The following WWC1 variants were observed in gnomAD, a reference collection of about 807,000 sequenced individuals.
The protein encoded by WWC1 is WW and C2 domain containing 1, also known as protein KIBRA.
In WWC1, 55 loss-of-function variants were observed where a neutral mutation model predicts 138.4. That is an observed-to-expected ratio of 0.40 (90% confidence interval 0.32 to 0.50). The LOEUF (loss-of-function observed/expected upper bound fraction) is 0.50. WWC1 is among the 20% of genes least tolerant of loss of function. The probability of loss-of-function intolerance (pLI) is 0.72; values close to 1 mark genes in which losing one functional copy is unlikely to be tolerated. For synonymous variants in WWC1, 524 were observed against 564.9 expected (o/e 0.93, Z 1.03); for missense variants, 1,226 against 1,420.4 (o/e 0.86, Z 2.20).
intron 1 of WWC1, among the ~76,000 whole-genome samples, chr5:168,319,600 A>C (rs1561604360): frequency 6.6e-6 from 1 of 152,064 alleles, no homozygotes; most frequent in Non-Finnish European, 1.5e-5. Flanking sequence ...TTCCTGGCTC[A>C]AGTGATCCTC....
rs577644875 is a variant in WWC1 at position 168,431,311 on chromosome 5, G to A, written c.2147G>A (p.Arg716Gln). 2.0e-5 allele frequency: 32 copies of A among 1,614,082 alleles called. No homozygotes were observed. Among genetic ancestry groups the A allele is most frequent in the Middle Eastern group, 1.6e-4 (1 of 6,062 alleles). Residue 716 changes from arginine to glutamine, a missense_variant, in exon 15 of 23, where the codon CGG (arginine) becomes CAG (glutamine). By Grantham distance (43) the Arg-to-Gln change is conservative. Around this residue, in one of 3 missense-constraint regions of WWC1, gnomAD observed 1,016 missense variants for 1,153.9 expected, o/e 0.88. Transcript: ENST00000265293. Reference protein sequence around the residue: ...SESTTCLFRTRPLDASDTLVF... With the variant: ...SESTTCLFRTQPLDASDTLVF... The stretch of plus-strand genomic sequence containing the variant: ...AGCACAACCTGCCTGTTCCGGACCC[G>A]GCCTCTGGACGCCTCAGACACTCTA...
At chr5:168,414,125 C>G (rs946434999) in intron 8 of WWC1, 6 of 570,194 alleles carry the variant, frequency 1.1e-5, no homozygotes, top group Admixed American at 9.6e-5. Flanking sequence ...TTGCCTTGTT[C>G]ATGTCTGCAC....
At chr5:168,393,152 T>C (rs1039715986) in intron 3 of WWC1, among the ~76,000 whole-genome samples, 3 of 151,924 alleles carry the variant, frequency 2.0e-5, no homozygotes, top group African/African-American at 7.3e-5. Flanking sequence ...AAATCTACTA[T>C]CTGAGGAAAA....
At chr5:168,339,232 G>C (rs752221842) in intron 1 of WWC1, among the ~76,000 whole-genome samples, 1 of 152,176 alleles carries the variant, frequency 6.6e-6, no homozygotes, top group Non-Finnish European at 1.5e-5. Flanking sequence ...GACATGACAA[G>C]GAGCTTTTCC....
At chr5:168,440,440 G>C (rs920945051) in intron 15 of WWC1, among the ~76,000 whole-genome samples, 1 of 152,226 alleles carries the variant, frequency 6.6e-6, no homozygotes, top group African/African-American at 2.4e-5. Flanking sequence ...ACTACCATAT[G>C]ACCTAGCAAT....
At chr5:168,411,839 C>A in intron 8 of WWC1, 3 of 310,152 alleles carry the variant, frequency 9.7e-6, no homozygotes, top group South Asian at 1.3e-4. Flanking sequence ...TCTAGGCATG[C>A]GTCGTGTTTC....
intron 19 of WWC1, among the ~76,000 whole-genome samples, chr5:168,456,058 G>A (rs1033814800): frequency 2.0e-5 from 3 of 152,142 alleles, no homozygotes; most frequent in South Asian, 2.1e-4. Context: ...CCAACACTTC[G>A]GGAGGCTGAG....
At chr5:168,465,077 G>T in intron 21 of WWC1, 115 bp downstream of exon 21, 1 of 1,430,210 alleles carries the variant, frequency 7.0e-7, no homozygotes, top group South Asian at 1.5e-5. Flanking sequence ...TCCCACCACA[G>T]GTTCCACTGA....
intron 1 of WWC1, among the ~76,000 whole-genome samples, chr5:168,326,858 G>A (rs1222808359): frequency 2.0e-5 from 3 of 151,930 alleles, no homozygotes; most frequent in East Asian, 1.9e-4. Context: ...GTCTTATTTC[G>A]CATTTGTAGA....
chr5:168,329,032 G>C (rs181964103), intron 1 of WWC1, among the ~76,000 whole-genome samples: 2 of 152,338 alleles, frequency 1.3e-5, no homozygotes, highest in Admixed American at 1.3e-4. Context: ...GCACGAACAG[G>C]TGGATGTCGT....
At chr5:168,346,230 G>T (rs1774459632) in intron 1 of WWC1, among the ~76,000 whole-genome samples, 1 of 152,092 alleles carries the variant, frequency 6.6e-6, no homozygotes, top group South Asian at 2.1e-4. Flanking sequence ...AAGTTAGGCT[G>T]AAAATCTGTG....
chr5:168,387,280 C>T (rs896852178), intron 3 of WWC1, among the ~76,000 whole-genome samples: 1 of 152,166 alleles, frequency 6.6e-6, no homozygotes, highest in African/African-American at 2.4e-5. Context: ...GAACTCTCCC[C>T]TAGTGTGAAG....
intron 22 of WWC1, 139 bp downstream of exon 22, chr5:168,468,103 A>AGGGATGGCTTGGCGG: frequency 7.1e-7 from 1 of 1,408,234 alleles, no homozygotes; most frequent in Non-Finnish European, 9.6e-7. Context: ...ATCCTCCGCC[A>AGGGATGGCTTGGCGG]AGCCATCCCT....
At chr5:168,332,511 A>G (rs1356783344) in intron 1 of WWC1, among the ~76,000 whole-genome samples, 1 of 152,138 alleles carries the variant, frequency 6.6e-6, no homozygotes, top group Non-Finnish European at 1.5e-5. Context: ...ATCAGCATGT[A>G]TATGTGTTTT....
intron 1 of WWC1, among the ~76,000 whole-genome samples, chr5:168,310,837 A>AAAAAAAAAAAAAC (rs371515656): frequency 0.2 from 24,220 of 119,798 alleles, 2,496 homozygotes; most frequent in Admixed American, 0.31. Flanking sequence ...GACCCTGTCT[A>AAAAAAAAAAAAAC]AAAAAAAAGC....
chr5:168,345,254 A>G (rs567802878), intron 1 of WWC1, among the ~76,000 whole-genome samples: 1 of 152,184 alleles, frequency 6.6e-6, no homozygotes, highest in Admixed American at 6.5e-5. Context: ...ACAGGCATGC[A>G]CCACCATGCC....
In WWC1 at chr5:168,409,931, A is replaced by C; in HGVS notation, c.877A>C (p.Asn293His). ...TGTTCTTCTCCTCCAGTTCGGCATCAACAGCAACAATCAGTTGGCAGAGAA... is the reference window on the plus strand; with the variant it reads ...TGTTCTTCTCCTCCAGTTCGGCATCCACAGCAACAATCAGTTGGCAGAGAA... ...QTDISGSFGI[N>H]SNNQLAEKVR... Residue 293 changes from asparagine (N) to histidine (H), a missense_variant, in exon 8 of 23, where the codon AAC (asparagine) becomes CAC (histidine). Coordinates refer to ENST00000265293, the MANE Select transcript of WWC1 (RefSeq NM_015238.3). 1 of 1,613,994 alleles carries C rather than the reference A, an allele frequency of 6.2e-7. No individual in the cohort carries two copies. Among genetic ancestry groups the C allele is most frequent in the Non-Finnish European group, 8.5e-7 (1 of 1,179,878 alleles).
intron 1 of WWC1, among the ~76,000 whole-genome samples, chr5:168,367,489 G>A (rs1194294287): frequency 1.4e-5 from 2 of 148,106 alleles, no homozygotes; most frequent in East Asian, 2.0e-4. Context: ...CCGCCACTGC[G>A]CCCGGCTAAT....
At chr5:168,353,860 G>A (rs114197996) in intron 1 of WWC1, among the ~76,000 whole-genome samples, 86 of 152,270 alleles carry the variant, frequency 5.6e-4, no homozygotes, top group African/African-American at 2.0e-3. Context: ...ATCCTGTGTC[G>A]CCTGTTGTGA....
Sources: allele counts gnomAD v4.1 joint callset (sites outside exome capture counted in the v4.1 genomes callset), GRCh38; gene constraint gnomAD v4.1.1; regional missense constraint gnomAD v4.1.1; transcripts MANE v1.5; gene names NCBI Gene and HGNC (gene_info 2026-07-23, HGNC 2026-07-21).